Variants in SCAPER observed in about 807,000 individuals in gnomAD.
SCAPER encodes S phase cyclin A-associated protein in the endoplasmic reticulum.
A neutral mutation model predicts 182.2 loss-of-function variants in SCAPER; 98 were observed. That is an observed-to-expected ratio of 0.54 (90% CI 0.46 to 0.64). SCAPER has a LOEUF of 0.64. SCAPER is among the 30% of genes least tolerant of loss of function. SCAPER has a pLI of 0.00. For synonymous variants in SCAPER, 605 were observed against 564.6 expected (o/e 1.07, Z -1.01); for missense variants, 1,432 against 1,690.0 (o/e 0.85, Z 2.68).
chr15:76,551,032 G>A (rs910326863), intron 23 of SCAPER, among the ~76,000 whole-genome samples: 2 of 152,110 alleles, frequency 1.3e-5, no homozygotes, highest in East Asian at 1.9e-4. Flanking sequence ...CATCTAGAAT[G>A]GCTATTATCA....
intron 27 of SCAPER, 50 bp downstream of exon 27, chr15:76,404,474 A>C: frequency 1.9e-5 from 29 of 1,536,190 alleles, no homozygotes; most frequent in Middle Eastern, 1.7e-4. Context: ...GCAAAATTCA[A>C]GAGATGTTCC....
chr15:76,682,165 C>T (rs1468461130), intron 20 of SCAPER, among the ~76,000 whole-genome samples: 3 of 152,150 alleles, frequency 2.0e-5, no homozygotes, highest in Non-Finnish European at 4.4e-5. Flanking sequence ...TACCAGCCTA[C>T]CGACAACCTT....
intron 2 of SCAPER, among the ~76,000 whole-genome samples, chr15:76,866,245 G>A (rs2072288389): frequency 6.6e-6 from 1 of 151,538 alleles, no homozygotes; most frequent in African/African-American, 2.4e-5. Flanking sequence ...GACACTGAGT[G>A]TGTGTGTGTG....
intron 22 of SCAPER, among the ~76,000 whole-genome samples, chr15:76,580,683 G>A (rs1190437850): frequency 1.3e-5 from 2 of 152,084 alleles, no homozygotes; most frequent in Admixed American, 6.6e-5. Context: ...AGGAAAGTTT[G>A]TACCTATAAG....
intron 6 of SCAPER, among the ~76,000 whole-genome samples, chr15:76,802,198 C>T (rs1304054042): frequency 6.6e-6 from 1 of 151,918 alleles, no homozygotes; most frequent in Non-Finnish European, 1.5e-5. Context: ...AGGATATAAA[C>T]TGTACAAGGT....
intron 21 of SCAPER, among the ~76,000 whole-genome samples, chr15:76,654,046 T>A (rs1196518801): frequency 2.0e-5 from 3 of 152,000 alleles, no homozygotes; most frequent in Non-Finnish European, 2.9e-5. Flanking sequence ...ACAAAAGACA[T>A]GAACAGACAC....
intron 2 of SCAPER, among the ~76,000 whole-genome samples, chr15:76,874,135 C>T (rs567941837): frequency 7.6e-4 from 116 of 152,214 alleles, no homozygotes; most frequent in Admixed American, 2.7e-3. Flanking sequence ...CTCAAGTGAT[C>T]CATCTGCCTC....
chr15:76,629,401 T>C (rs2052890321), intron 21 of SCAPER, among the ~76,000 whole-genome samples: 1 of 152,236 alleles, frequency 6.6e-6, no homozygotes, highest in Non-Finnish European at 1.5e-5. Flanking sequence ...GGGTTTGTCA[T>C]AAATGGCTCT....
At chr15:76,540,774 G>A (rs372939906) in intron 23 of SCAPER, among the ~76,000 whole-genome samples, 4 of 151,590 alleles carry the variant, frequency 2.6e-5, no homozygotes, top group African/African-American at 4.8e-5. Flanking sequence ...GTAAAATACC[G>A]GATTAGCCCA....
chr15:76,849,059 C>CTACACTCAAACT (rs1229613980), intron 4 of SCAPER, among the ~76,000 whole-genome samples: 5 of 152,118 alleles, frequency 3.3e-5, no homozygotes, highest in Non-Finnish European at 1.5e-5. Flanking sequence ...AGCCTAAGGG[C>CTACACTCAAACT]TACACTCAAA....
intron 24 of SCAPER, among the ~76,000 whole-genome samples, chr15:76,499,108 G>T (rs1184147975): frequency 6.6e-6 from 1 of 152,118 alleles, no homozygotes; most frequent in Non-Finnish European, 1.5e-5. Context: ...TACAGTTCTA[G>T]CATACTCTTT....
At chr15:76,548,978 C>T (rs1314119071) in intron 23 of SCAPER, among the ~76,000 whole-genome samples, 1 of 152,074 alleles carries the variant, frequency 6.6e-6, no homozygotes, top group Non-Finnish European at 1.5e-5. Flanking sequence ...TTCTGCACAG[C>T]AAAAGAAACT....
chr15:76,733,171 T>C (rs2061027196), intron 16 of SCAPER, 58 bp downstream of exon 16: 2 of 1,507,170 alleles, frequency 1.3e-6, no homozygotes, highest in South Asian at 2.5e-5. Flanking sequence ...CCTGCGGGGC[T>C]GGACCCTACA....
chr15:76,479,277 TC>T (rs1352995156), intron 24 of SCAPER, among the ~76,000 whole-genome samples: 1 of 152,182 alleles, frequency 6.6e-6, no homozygotes, highest in Non-Finnish European at 1.5e-5. Context: ...CTTAGAAAGA[TC>T]ACTCCTTTGA....
At chr15:76,499,443 A>C (rs1457324468) in intron 24 of SCAPER, among the ~76,000 whole-genome samples, 1 of 152,194 alleles carries the variant, frequency 6.6e-6, no homozygotes, top group East Asian at 1.9e-4. Flanking sequence ...TCAAATTGTA[A>C]GTCTATAGAG....
intron 25 of SCAPER, among the ~76,000 whole-genome samples, chr15:76,440,327 G>A (rs1462126020): frequency 2.0e-5 from 3 of 152,142 alleles, no homozygotes; most frequent in Non-Finnish European, 4.4e-5. Context: ...TAAAAGCCAA[G>A]CATGTATTCT....
chr15:76,441,939 G>A (rs1199240075), intron 25 of SCAPER, among the ~76,000 whole-genome samples: 3 of 151,998 alleles, frequency 2.0e-5, no homozygotes, highest in African/African-American at 4.8e-5. Context: ...TTTTTTAAAT[G>A]CATGTAGACA....
Position 76,713,671 on chromosome 15 carries a change from C to G in SCAPER, c.2166-7687G>C, listed in dbSNP as rs865867561. On this transcript the variant is annotated intron_variant, in intron 17 of 31. Transcript: ENST00000563290. The stretch of plus-strand genomic sequence containing the variant: ...GGAGGGATAGCATTAGGAGATATAC[C>G]TAATGCTAAATGACGAGTTAGTGGG... 1.4e-4 allele frequency among the ~76,000 whole-genome samples: 21 copies of G among 151,994 alleles called. No individual in the cohort carries two copies. The Middle Eastern group carries it at 0.024, about 172-fold the overall frequency.
At chr15:76,871,306 G>C (rs2072711138) in intron 2 of SCAPER, among the ~76,000 whole-genome samples, 1 of 150,456 alleles carries the variant, frequency 6.6e-6, no homozygotes, top group South Asian at 2.1e-4. Context: ...CTACTTGGGG[G>C]ACTGAGGCAG....
Sources: allele counts gnomAD v4.1 joint callset (sites outside exome capture counted in the v4.1 genomes callset), GRCh38; gene constraint gnomAD v4.1.1; transcripts MANE v1.5; gene names NCBI Gene and HGNC (gene_info 2026-07-23, HGNC 2026-07-21).